Variants in ANKS1B observed in about 807,000 individuals in gnomAD.
The protein encoded by ANKS1B is ankyrin repeat and sterile alpha motif domain containing 1B, also known as ankyrin repeat and sterile alpha motif domain-containing protein 1B.
ANKS1B carries 36 observed loss-of-function variants against 148.3 expected under a neutral mutation model. That is an observed-to-expected ratio of 0.24 (90% CI 0.19 to 0.32). ANKS1B has a LOEUF of 0.32. Among genes scored for constraint, ANKS1B ranks in the 10% least tolerant of loss-of-function variants. The pLI, the probability that ANKS1B is intolerant of heterozygous loss-of-function variation, is 1.00. For synonymous variants in ANKS1B, 542 were observed against 560.8 expected (o/e 0.97, Z 0.47); for missense variants, 1,157 against 1,542.6 (o/e 0.75, Z 4.19).
At chr12:99,227,850 T>A (rs1267928252) in intron 14 of ANKS1B, among the ~76,000 whole-genome samples, 1 of 152,144 alleles carries the variant, frequency 6.6e-6, no homozygotes, top group Non-Finnish European at 1.5e-5. Flanking sequence ...TCACTTTTGC[T>A]TATAGTAAAG....
intron 8 of ANKS1B, among the ~76,000 whole-genome samples, chr12:99,669,039 G>A (rs1029017253): frequency 6.6e-6 from 1 of 151,826 alleles, no homozygotes; most frequent in Non-Finnish European, 1.5e-5. Context: ...TTAAACCTTT[G>A]AGTATATCAA....
intron 15 of ANKS1B, among the ~76,000 whole-genome samples, chr12:99,124,748 G>A (rs2063830287): frequency 6.6e-6 from 1 of 152,268 alleles, no homozygotes; most frequent in South Asian, 2.1e-4. Flanking sequence ...TCCAAAAGGA[G>A]AGAATGAGAA....
intron 17 of ANKS1B, among the ~76,000 whole-genome samples, chr12:98,876,262 C>T (rs993320635): frequency 5.9e-5 from 9 of 152,138 alleles, no homozygotes; most frequent in African/African-American, 1.7e-4. Context: ...TGCCTTCATC[C>T]GTGCTGTTTC....
chr12:98,895,351 C>T, intron 17 of ANKS1B: 1 of 980,404 alleles, frequency 1.0e-6, no homozygotes, highest in Non-Finnish European at 1.2e-6. Context: ...GGGGCGGTAG[C>T]AGCGGCGCGG....
At chr12:99,079,873 G>T (rs1051647904) in intron 16 of ANKS1B, 1 of 151,982 alleles carries the variant, frequency 6.6e-6, no homozygotes, top group Admixed American at 6.6e-5. Context: ...GAATAGACTC[G>T]CTCTCCTGGG....
chr12:99,535,307 T>C (rs1045694106), intron 9 of ANKS1B, among the ~76,000 whole-genome samples: 3 of 152,180 alleles, frequency 2.0e-5, no homozygotes, highest in Admixed American at 1.3e-4. Context: ...TAAGATCCAG[T>C]CCATCACCAA....
At chr12:99,211,715 T>A (rs1057434405) in intron 14 of ANKS1B, among the ~76,000 whole-genome samples, 1 of 152,214 alleles carries the variant, frequency 6.6e-6, no homozygotes, top group Non-Finnish European at 1.5e-5. Flanking sequence ...GTTGAACACA[T>A]GACATCAAGT....
At chr12:99,082,381 G>C (rs1565952890) in intron 16 of ANKS1B, among the ~76,000 whole-genome samples, 5 of 152,152 alleles carry the variant, frequency 3.3e-5, no homozygotes, top group South Asian at 2.1e-4. Flanking sequence ...ACAATGTATA[G>C]GAGCAAGTGT....
chr12:98,858,861 T>C (rs2099584944), intron 17 of ANKS1B, among the ~76,000 whole-genome samples: 1 of 152,220 alleles, frequency 6.6e-6, no homozygotes, highest in Non-Finnish European at 1.5e-5. Flanking sequence ...CTCTCAATTT[T>C]CTTTGAAAAG....
chr12:99,698,402 T>G (rs2054257566), intron 8 of ANKS1B, among the ~76,000 whole-genome samples: 1 of 152,070 alleles, frequency 6.6e-6, no homozygotes, highest in Admixed American at 6.6e-5. Flanking sequence ...TGTCCGTGTG[T>G]GCATGTGTGT....
At chr12:99,063,646 TAAC>T (rs1412869787) in intron 16 of ANKS1B, among the ~76,000 whole-genome samples, 2 of 152,170 alleles carry the variant, frequency 1.3e-5, no homozygotes, top group Admixed American at 6.5e-5. Flanking sequence ...GAACATCACT[TAAC>T]AATGATGTGG....
chr12:99,921,395 T>C (rs1357094016), intron 1 of ANKS1B, among the ~76,000 whole-genome samples: 3 of 152,152 alleles, frequency 2.0e-5, no homozygotes, highest in Non-Finnish European at 4.4e-5. Context: ...TGCAGAACTG[T>C]GAGTCAATTA....
At chr12:99,960,599 A>G (rs1321904193) in intron 1 of ANKS1B, among the ~76,000 whole-genome samples, 1 of 152,200 alleles carries the variant, frequency 6.6e-6, no homozygotes, top group Non-Finnish European at 1.5e-5. Context: ...TAGAGGGGAA[A>G]TAAGAAAACC....
At chr12:98,807,354 T>G (rs2153613229) in intron 20 of ANKS1B, among the ~76,000 whole-genome samples, 1 of 152,160 alleles carries the variant, frequency 6.6e-6, no homozygotes, top group East Asian at 1.9e-4. Context: ...CCCCCACATT[T>G]GCATAAAATG....
At chr12:99,084,888 C>A (rs1298643607) in intron 16 of ANKS1B, 37 bp downstream of exon 16, 3 of 1,522,442 alleles carry the variant, frequency 2.0e-6, no homozygotes, top group African/African-American at 1.4e-5. Context: ...TCACTGGGAA[C>A]CGTACACAGG....
rs373295553 is a variant in ANKS1B at position 99,068,298 on chromosome 12, C to T, written c.2626-14989G>A. On this transcript the variant is annotated intron_variant, in intron 16 of 26. Transcript: ENST00000683438. The stretch of plus-strand genomic sequence containing the variant: ...ATTTTGTCATTGTGCGAACATCAGA[C>T]AGTGTACTTACGCAAACCTAGATGG... 2.9e-4 allele frequency among the ~76,000 whole-genome samples: 44 copies of T among 152,222 alleles called. No homozygotes were observed. In the South Asian group the frequency reaches 8.9e-3, roughly 31 times the overall value.
At chr12:99,245,029 G>GT (rs1312292281) in intron 13 of ANKS1B, among the ~76,000 whole-genome samples, 1 of 152,042 alleles carries the variant, frequency 6.6e-6, no homozygotes, top group Admixed American at 6.6e-5. Context: ...TAATTTTTGT[G>GT]TTTTTAGTAG....
chr12:99,907,907 G>A (rs2153781898), intron 1 of ANKS1B, among the ~76,000 whole-genome samples: 1 of 145,544 alleles, frequency 6.9e-6, no homozygotes, highest in East Asian at 2.0e-4. Context: ...TAACCCAAAA[G>A]AGGAACAAGT....
At position 98,893,163 on chromosome 12, in the gene ANKS1B, C is replaced by T. The variant is rs115686232; in HGVS notation, c.2779-61027G>A. On this transcript the variant is annotated intron_variant, in intron 17 of 26. Transcript: ENST00000683438. ...GTTTTAATTTCATTTGTATTCGTTA[C>T]TCCTTTCTTCTCTATCTGAGTCCAA... 5.3e-3 allele frequency among the ~76,000 whole-genome samples: 813 copies of T among 152,330 alleles called. 4 individuals carry two copies. Among genetic ancestry groups the T allele is most frequent in the African/African-American group, 0.019 (786 of 41,566 alleles).
Sources: gnomAD v4.1 joint callset for allele counts (sites outside exome capture counted in the v4.1 genomes callset) on GRCh38, gnomAD v4.1.1 for gene constraint, MANE v1.5 for transcripts, NCBI Gene and HGNC (gene_info 2026-07-23, HGNC 2026-07-21) for gene names.